The following PHF8 variants were observed in gnomAD, a reference collection of about 807,000 sequenced individuals.
PHF8 encodes histone lysine demethylase PHF8.
In PHF8, 9 loss-of-function variants were observed where a neutral mutation model predicts 74.4. That is an observed-to-expected ratio of 0.12 (90% confidence interval 0.07 to 0.21). The LOEUF is 0.21. Among genes scored for constraint, PHF8 ranks in the 10% least tolerant of loss-of-function variants. The pLI, the probability that PHF8 is intolerant of heterozygous loss-of-function variation, is 1.00. For synonymous variants in PHF8, 311 were observed against 316.6 expected (o/e 0.98, Z 0.19); for missense variants, 478 against 816.6 (o/e 0.59, Z 5.05).
chrX:54,042,574 G>A (rs1234635495), intron 2 of PHF8, 57 bp downstream of exon 2: 10 of 1,001,025 alleles, frequency 1.0e-5, no homozygotes, highest in African/African-American at 1.9e-5. Context: ...AAGGAAGAGA[G>A]AGCAAGTGAA....
Position 53,984,842 on chromosome X carries a change from T to C in PHF8, c.2443+72A>G, listed in dbSNP as rs181282386. On this transcript the variant is annotated intron_variant, in intron 18 of 21. Coordinates refer to ENST00000338154, the MANE Select transcript of PHF8 (RefSeq NM_015107.3). The stretch of plus-strand genomic sequence containing the variant: ...TTTGTTCACTACAAGCTGTCCTCTA[T>C]TGGGACTAGGATGGAGACTGGGACT... The C allele has an allele frequency of 1.3e-3, 1,048 of 834,738 alleles. 4 individuals are homozygous for C. The highest frequency in any genetic ancestry group is 0.012 in the African/African-American group (588 of 50,065). 68.8% of individuals were successfully genotyped at this position (834,738 alleles called of 1,213,427 possible). A position where few individuals can be genotyped will look rare whatever the true frequency, so the allele number is the denominator to read the frequency against.
chrX:54,027,021 C>T (rs1437328777), intron 2 of PHF8, among the ~76,000 whole-genome samples: 6 of 111,258 alleles, frequency 5.4e-5, no homozygotes, highest in Non-Finnish European at 9.4e-5. Flanking sequence ...CACCAATCTA[C>T]CTCCTTCTAC....
intron 16 of PHF8, among the ~76,000 whole-genome samples, chrX:53,986,567 T>A (rs1220168990): frequency 1.8e-5 from 2 of 112,624 alleles, no homozygotes; most frequent in African/African-American, 6.4e-5. Context: ...TATTAAAGGA[T>A]GTTTAAGGTA....
Position 53,993,875 on chromosome X carries a change from G to A in PHF8, c.1352C>T (p.Thr451Met), listed in dbSNP as rs933827080. Residue 451 changes from threonine (T) to methionine (M), a missense_variant, in exon 13 of 22, where the codon ACG becomes ATG. Coordinates refer to ENST00000338154, the MANE Select transcript of PHF8 (RefSeq NM_015107.3). ...EDIFQQNVGK[T>M]SNIFGLQRIF... Reference sequence around the variant, plus strand: ...CCTCTGCAGCCCAAAGATATTGCTCGTCTTCCCAACGTTCTGTTGGAAGAT... The same window carrying A: ...CCTCTGCAGCCCAAAGATATTGCTCATCTTCCCAACGTTCTGTTGGAAGAT... The A allele has an allele frequency of 7.5e-6, 9 of 1,205,412 alleles. No individual in the cohort carries two copies. The highest frequency in any genetic ancestry group is 5.2e-5 in the African/African-American group (3 of 57,209).
At chrX:53,946,409 C>A (rs1434287103) in intron 19 of PHF8, among the ~76,000 whole-genome samples, 3 of 112,439 alleles carry the variant, frequency 2.7e-5, no homozygotes, top group Non-Finnish European at 5.6e-5. Context: ...GCAAGCCATT[C>A]ATATTACTTT....
chrX:54,036,221 G>T (rs1034270640), intron 2 of PHF8, among the ~76,000 whole-genome samples: 1 of 110,169 alleles, frequency 9.1e-6, no homozygotes, highest in African/African-American at 3.3e-5. Flanking sequence ...ACCCAAAAAT[G>T]GCAGAATACA....
chrX:53,986,945 A>G (rs2065575835), intron 16 of PHF8, 133 bp downstream of exon 16: 1 of 477,668 alleles, frequency 2.1e-6, no homozygotes, highest in Admixed American at 3.2e-5. Context: ...TAATAGTAAT[A>G]ATAAATAAAT....
chrX:53,986,515 G>A (rs1220071067), intron 16 of PHF8, among the ~76,000 whole-genome samples: 2 of 112,764 alleles, frequency 1.8e-5, no homozygotes, highest in Non-Finnish European at 1.9e-5. Context: ...TTACAGGCGT[G>A]AGCCACCACG....
chrX:54,041,492 G>A (rs2066555356), intron 2 of PHF8, among the ~76,000 whole-genome samples: 1 of 110,991 alleles, frequency 9.0e-6, no homozygotes, highest in African/African-American at 3.3e-5. Flanking sequence ...ACAGGAGGAG[G>A]GTGCCATACA....
chrX:54,013,126 AAAT>A (rs1164382381), intron 7 of PHF8, among the ~76,000 whole-genome samples: 8 of 110,679 alleles, frequency 7.2e-5, no homozygotes, highest in Non-Finnish European at 1.3e-4. Flanking sequence ...TCTAAGAAAA[AAAT>A]AATAATAATA....
intron 7 of PHF8, among the ~76,000 whole-genome samples, chrX:54,011,497 G>C (rs2065980422): frequency 8.9e-6 from 1 of 112,076 alleles, no homozygotes; most frequent in Admixed American, 9.5e-5. Context: ...CTATAAACTT[G>C]ACAAAAACAA....
At position 53,986,989 on chromosome X, in the gene PHF8, C is replaced by T. The variant is rs868965803; in HGVS notation, c.1995+89G>A. The T allele has an allele frequency of 6.4e-4, 357 of 558,957 alleles. 1 individual carries two copies. The Middle Eastern group carries it at 8.4e-3, about 13-fold the overall frequency. 46.1% of individuals were successfully genotyped at this position (558,957 alleles called of 1,213,427 possible). A position where few individuals can be genotyped will look rare whatever the true frequency, so the allele number is the denominator to read the frequency against. ...AAATGAATGCAAAGGATGTCTTCCTCCCTGCATATCCCCCAACTAGAATGA... is the reference window on the plus strand; with the variant it reads ...AAATGAATGCAAAGGATGTCTTCCTTCCTGCATATCCCCCAACTAGAATGA... On this transcript the variant is annotated intron_variant, in intron 16 of 21. Transcript: ENST00000338154.
chrX:54,036,207 C>T (rs782035277), intron 2 of PHF8, among the ~76,000 whole-genome samples: 1 of 109,963 alleles, frequency 9.1e-6, no homozygotes, highest in African/African-American at 3.3e-5. Flanking sequence ...TTATAGAACA[C>T]TCTACCCAAA....
At chrX:54,005,622 T>TAAAA (rs782521734) in intron 8 of PHF8, among the ~76,000 whole-genome samples, 2 of 67,382 alleles carry the variant, frequency 3.0e-5, no homozygotes, top group African/African-American at 5.5e-5. Flanking sequence ...GCAGAAAACT[T>TAAAA]AAAAAAAAAA....
intron 2 of PHF8, among the ~76,000 whole-genome samples, chrX:54,023,841 CAAAAAAAAAAA>C (rs782579990): frequency 1.3e-4 from 5 of 39,196 alleles, no homozygotes; most frequent in African/African-American, 3.7e-4. Context: ...ACCCTGTCTC[CAAAAAAAAAAA>C]AAAAAAAAAA....
intron 2 of PHF8, among the ~76,000 whole-genome samples, chrX:54,028,296 T>C (rs2066301975): frequency 9.0e-6 from 1 of 111,275 alleles, no homozygotes; most frequent in Admixed American, 9.5e-5. Flanking sequence ...TAGACTCATG[T>C]AGTAGGGTGT....
At chrX:54,043,342 CAAGACT>C (rs2066596104) in intron 1 of PHF8, 1 of 115,654 alleles carries the variant, frequency 8.6e-6, no homozygotes, top group Admixed American at 9.6e-5. Flanking sequence ...ACAAGACAGA[CAAGACT>C]AGGCGCCCAA....
chrX:53,939,722 T>C lies in PHF8; in HGVS notation c.2986+458A>G, dbSNP rs4826368. On this transcript the variant is annotated intron_variant, in intron 21 of 21. Coordinates refer to ENST00000338154, the MANE Select transcript of PHF8 (RefSeq NM_015107.3). ...CTCCATGCCCTTGAGCTGCGTACTC[T>C]AGGGACTGGGCTTTGAGGACCAAAG... is the stretch of plus-strand genomic sequence containing the variant. 0.022 allele frequency among the ~76,000 whole-genome samples: 2,436 copies of C among 110,949 alleles called. 144 individuals are homozygous for C. The East Asian group carries it at 0.27, about 12-fold the overall frequency.
chrX:54,018,580 G>T (rs782302698), intron 4 of PHF8, among the ~76,000 whole-genome samples: 1 of 108,624 alleles, frequency 9.2e-6, no homozygotes. Flanking sequence ...GACAACTTGT[G>T]TTGGGACAAA....
Sources: gnomAD v4.1 joint callset for allele counts (sites outside exome capture counted in the v4.1 genomes callset) on GRCh38, gnomAD v4.1.1 for gene constraint, MANE v1.5 for transcripts, NCBI Gene and HGNC (gene_info 2026-07-23, HGNC 2026-07-21) for gene names.